TDRD6: variants seen among roughly 807,000 people sequenced by gnomAD.
TDRD6 encodes tudor domain-containing protein 6.
A neutral mutation model predicts 157.5 loss-of-function variants in TDRD6; 186 were observed. That is an observed-to-expected ratio of 1.18 (90% CI 1.05 to 1.33). The LOEUF (loss-of-function observed/expected upper bound fraction) is 1.33. Among genes scored for constraint, TDRD6 ranks in the 40% most tolerant of loss-of-function variants. TDRD6 has a pLI of 0.00. For synonymous variants in TDRD6, 1,075 were observed against 945.2 expected (o/e 1.14, Z -2.52); for missense variants, 3,066 against 2,508.0 (o/e 1.22, Z -4.75).
rs553530875 is a variant in TDRD6 at position 46,689,238 on chromosome 6, G to A, written c.1110G>A (p.Pro370=). 1.9e-6 allele frequency: 3 copies of A among 1,614,130 alleles called. No individual in the cohort carries two copies. Among genetic ancestry groups the A allele is most frequent in the Admixed American group, 1.7e-5 (1 of 60,014 alleles). The part of the protein sequence containing the change: ...RYLLPEYFRM[P]VVTYPCALYG... ...TGCTGCCTGAATATTTTCGAATGCC[G>A]GTGGTGACCTACCCTTGTGCTTTGT... The change falls in exon 1 of 4, where the codon CCG becomes CCA. Residue 370 remains proline (P), a synonymous_variant. Coordinates refer to ENST00000316081, the MANE Select transcript of TDRD6 (RefSeq NM_001010870.3).
Position 46,689,014 on chromosome 6 carries a change from G to A in TDRD6, c.886G>A (p.Glu296Lys), listed in dbSNP as rs1013467226. Reference protein sequence around the residue: ...VYRGSTGTGDENSTSATWEER... With the variant: ...VYRGSTGTGDKNSTSATWEER... The stretch of plus-strand genomic sequence containing the variant: ...CCGGGGTTCCACGGGGACAGGGGAT[G>A]AGAACTCTACCAGTGCCACCTGGGA... The change falls in exon 1 of 4, where the codon GAG becomes AAG. Residue 296 changes from glutamate to lysine, a missense_variant. By Grantham distance (56) the Glu-to-Lys change is moderately conservative. Coordinates refer to ENST00000316081, the MANE Select transcript of TDRD6 (RefSeq NM_001010870.3). The A allele has an allele frequency of 2.5e-6, 4 of 1,613,778 alleles. No homozygotes were observed. The highest frequency in any genetic ancestry group is 3.4e-6 in the Non-Finnish European group (4 of 1,179,874).
Position 46,688,887 on chromosome 6 carries a change from C to G in TDRD6, c.759C>G (p.Ala253=). The G allele has an allele frequency of 6.2e-7, 1 of 1,607,258 alleles. No homozygotes were observed. The highest frequency in any genetic ancestry group is 8.5e-7 in the Non-Finnish European group (1 of 1,175,794). ...YPQLQLGVTE[A]VVITQVCHPH... The stretch of plus-strand genomic sequence containing the variant: ...AGCTGCAGCTGGGCGTGACGGAGGC[C>G]GTGGTCATAACCCAAGTGTGCCATC... The change falls in exon 1 of 4, where the codon GCC becomes GCG. Residue 253 remains alanine (A), a synonymous_variant. Transcript: ENST00000316081.
At position 46,693,498 on chromosome 6, in the gene TDRD6, T is replaced by G. The variant is rs1459192312; in HGVS notation, c.5370T>G (p.Thr1790=). 1 of 1,613,666 alleles carries G rather than the reference T, an allele frequency of 6.2e-7. No individual in the cohort carries two copies. ...FENPCKDKID[T]EELEGELECH... is the part of the protein sequence containing the mutation. ...ACCCCTGCAAAGATAAAATTGATAC[T>G]GAGGAACTGGAAGGTGAATTAGAGT... Residue 1790 remains threonine, a synonymous_variant, in exon 1 of 4, where the codon ACT becomes ACG. Coordinates refer to ENST00000316081, the MANE Select transcript of TDRD6 (RefSeq NM_001010870.3).
In TDRD6 at chr6:46,692,499, A is replaced by G; in HGVS notation, c.4371A>G (p.Arg1457=). The G allele has an allele frequency of 6.2e-7, 1 of 1,613,038 alleles. No individual in the cohort carries two copies. The highest frequency in any genetic ancestry group is 2.2e-5 in the East Asian group (1 of 44,878). The change falls in exon 1 of 4, where the codon AGA becomes AGG. Residue 1457 remains arginine, a synonymous_variant. Coordinates refer to ENST00000316081, the MANE Select transcript of TDRD6 (RefSeq NM_001010870.3). ...IRCEFVKFQD[R]WEVILADEHG... The stretch of plus-strand genomic sequence containing the variant: ...GTGAATTTGTTAAATTTCAAGACAG[A>G]TGGGAAGTTATTCTTGCTGATGAAC...
chr6:46,696,863 A>G (rs2150683668), intron 2 of TDRD6, among the ~76,000 whole-genome samples: 1 of 151,560 alleles, frequency 6.6e-6, no homozygotes, highest in Non-Finnish European at 1.5e-5. Flanking sequence ...CGCCCACCTC[A>G]GCCTCCCAAA....
intron 2 of TDRD6, among the ~76,000 whole-genome samples, chr6:46,697,365 A>G (rs1308844930): frequency 6.6e-6 from 1 of 152,156 alleles, no homozygotes; most frequent in South Asian, 2.1e-4. Context: ...TTTCTGTATT[A>G]CAATCCTATA....
At chr6:46,696,010 ACT>A in intron 2 of TDRD6, 65 bp downstream of exon 2, 1 of 1,537,100 alleles carries the variant, frequency 6.5e-7, no homozygotes, top group South Asian at 1.2e-5. Flanking sequence ...AGTTTACCAG[ACT>A]CTGTCAGACT....
At chr6:46,682,321 A>G in the TDRD6 span, among the ~76,000 whole-genome samples, 62 of 152,012 alleles carry the variant, frequency 4.1e-4, no homozygotes, top group Non-Finnish European at 8.0e-4. Context: ...AAATTCTCAA[A>G]TTTTTACATG....
intron 3 of TDRD6, among the ~76,000 whole-genome samples, chr6:46,700,780 A>G (rs150311152): frequency 6.6e-6 from 1 of 152,324 alleles, no homozygotes; most frequent in East Asian, 1.9e-4. Context: ...CTCCCTGTGT[A>G]GAGTGCTCCA....
In TDRD6 at chr6:46,688,947, G is replaced by T; in HGVS notation, c.819G>T (p.Ser273=). Residue 273 remains serine (S), a synonymous_variant, in exon 1 of 4, where the codon TCG becomes TCT. Transcript: ENST00000316081. Reference sequence around the variant, plus strand: ...TTCACTGCCAGCTCCGCAGCGTCTCGCAGGAGATCCACCGCCTCTCCGAGA... The same window carrying T: ...TTCACTGCCAGCTCCGCAGCGTCTCTCAGGAGATCCACCGCCTCTCCGAGA... ...HRIHCQLRSV[S]QEIHRLSESM... is the part of the protein sequence containing the mutation. 2 of 1,612,080 alleles carry T rather than the reference G, an allele frequency of 1.2e-6. No homozygotes were observed. Among genetic ancestry groups the T allele is most frequent in the Non-Finnish European group, 1.7e-6 (2 of 1,178,864 alleles).
chr6:46,682,191 C>T, the TDRD6 span, among the ~76,000 whole-genome samples: 1 of 151,942 alleles, frequency 6.6e-6, no homozygotes, highest in Non-Finnish European at 1.5e-5. Context: ...CCTGGGAATA[C>T]AAAATTGGTT....
Position 46,688,548 on chromosome 6 carries a change from CGCGGGCTCAG to C in TDRD6, c.424_433del (p.Gly142SerfsTer106), listed in dbSNP as rs1764186151. The C allele has an allele frequency of 6.3e-7, 1 of 1,579,336 alleles. No homozygotes were observed. ...CGGGCCTGGTGCCGGCAGGCTGCGG[CGCGGGCTCAG>C]GCGAGCCGCCGCAGCACTGGCCCGC... On this transcript the variant is annotated frameshift_variant, in exon 1 of 4. Coordinates refer to ENST00000316081, the MANE Select transcript of TDRD6 (RefSeq NM_001010870.3). LOFTEE classifies it high-confidence loss of function.
chr6:46,682,181 C>A, the TDRD6 span, among the ~76,000 whole-genome samples: 2 of 151,950 alleles, frequency 1.3e-5, no homozygotes, highest in East Asian at 1.9e-4. Context: ...TGAGACTTAT[C>A]CTGGGAATAC....
In TDRD6 at chr6:46,688,257, C is replaced by A; in HGVS notation, c.129C>A (p.Tyr43Ter). 1.3e-6 allele frequency: 2 copies of A among 1,512,106 alleles called. No homozygotes were observed. The highest frequency in any genetic ancestry group is 2.5e-5 in the East Asian group (1 of 39,778). 93.7% of individuals were successfully genotyped at this position (1,512,106 alleles called of 1,614,324 possible). A position where few individuals can be genotyped will look rare whatever the true frequency, so the allele number is the denominator to read the frequency against. Reference sequence around the variant, plus strand: ...TGGTGGGCGAGCGGCGGGGCGAGTACCTGCGGCTGAGCCGGGAAATCCAGG... The same window carrying A: ...TGGTGGGCGAGCGGCGGGGCGAGTAACTGCGGCTGAGCCGGGAAATCCAGG... Reference protein sequence around the residue: ...WGLVGERRGEYLRLSREIQEA... With the variant: ...WGLVGERRGE The change falls in exon 1 of 4, where the codon TAC (tyrosine) becomes TAA (stop). Residue 43 changes from tyrosine to a stop codon, truncating the protein, a stop_gained. Coordinates refer to ENST00000316081, the MANE Select transcript of TDRD6 (RefSeq NM_001010870.3). LOFTEE classifies it high-confidence loss of function.
chr6:46,696,906 C>T (rs532842748), intron 2 of TDRD6, among the ~76,000 whole-genome samples: 7 of 151,828 alleles, frequency 4.6e-5, no homozygotes, highest in East Asian at 3.9e-4. Context: ...CCACTGCGCC[C>T]GGCTGTTTTT....
At chr6:46,698,345 A>G (rs113379149) in intron 3 of TDRD6, among the ~76,000 whole-genome samples, 115 of 152,346 alleles carry the variant, frequency 7.5e-4, no homozygotes, top group African/African-American at 2.6e-3. Flanking sequence ...TACATATTAG[A>G]TGCAGAAAAC....
Position 46,693,342 on chromosome 6 carries a change from A to C in TDRD6, c.5214A>C (p.Gln1738His), listed in dbSNP as rs1562058182. The C allele has an allele frequency of 1.2e-6, 2 of 1,604,676 alleles. No individual in the cohort carries two copies. Among genetic ancestry groups the C allele is most frequent in the Non-Finnish European group, 1.7e-6 (2 of 1,177,544 alleles). The change falls in exon 1 of 4, where the codon CAA becomes CAC. Residue 1738 changes from glutamine (Q) to histidine (H), a missense_variant. Physicochemically the swap from Gln to His is conservative, Grantham distance 24. Transcript: ENST00000316081. ...AGAAATTAAGTAATAAAGCTGTACA[A>C]AATAAAATATATATGGAACAACAGA... ...GLKKLSNKAVQNKIYMEQQTD... is the reference protein window; with the variant it reads ...GLKKLSNKAVHNKIYMEQQTD...
rs1182826209 is a variant in TDRD6 at position 46,698,051 on chromosome 6, G to A, written c.6225G>A (p.Trp2075Ter). The A allele has an allele frequency of 2.5e-6, 4 of 1,610,752 alleles. No homozygotes were observed. The African/African-American group carries it at 4.0e-5, about 16-fold the overall frequency. Reference sequence around the variant, plus strand: ...AGATAGTGAACCCTGAGAATGTCTGGAATGGCATACCCAAATTGGATAAGA... The same window carrying A: ...AGATAGTGAACCCTGAGAATGTCTGAAATGGCATACCCAAATTGGATAAGA... ...MEEIVNPENV[W>*]NGIPKLDKSP... The change falls in exon 3 of 4, where the codon TGG (tryptophan) becomes TGA (stop). Residue 2075 changes from tryptophan to a stop codon, truncating the protein, a stop_gained. Coordinates refer to ENST00000316081, the MANE Select transcript of TDRD6 (RefSeq NM_001010870.3). LOFTEE classifies it high-confidence loss of function.
chr6:46,688,721 G>A lies in TDRD6; in HGVS notation c.593G>A (p.Arg198Gln), dbSNP rs756675042. The change falls in exon 1 of 4, where the codon CGG becomes CAG. Residue 198 changes from arginine to glutamine, a missense_variant. Transcript: ENST00000316081. ...FQQMRELGLA[R>Q]RVPDSLFRSL... ...CAGATGCGGGAGCTGGGCCTGGCTC[G>A]GCGGGTGCCCGACAGCCTCTTCCGT... The A allele has an allele frequency of 5.6e-6, 9 of 1,599,478 alleles. No homozygotes were observed. The highest frequency in any genetic ancestry group is 5.9e-6 in the Non-Finnish European group (7 of 1,179,132).
Sources: allele counts gnomAD v4.1 joint callset (sites outside exome capture counted in the v4.1 genomes callset), GRCh38; gene constraint gnomAD v4.1.1; transcripts MANE v1.5; gene names NCBI Gene and HGNC (gene_info 2026-07-23, HGNC 2026-07-21).